EPG5: variants seen among roughly 807,000 people sequenced by gnomAD.
EPG5 encodes ectopic P granules protein 5 homolog.
EPG5 carries 159 observed loss-of-function variants against 302.7 expected under a neutral mutation model. The observed-to-expected ratio is 0.53, with a 90% CI of 0.46 to 0.60. The LOEUF (loss-of-function observed/expected upper bound fraction) is 0.60. Ranked by LOEUF, EPG5 falls within the 20% of genes least tolerant of loss-of-function variation. The pLI is 0.00. For missense variants in EPG5, 2,896 were observed against 3,092.4 expected, an observed-to-expected ratio of 0.94 and a Z score of 1.51; for synonymous variants, 1,158 against 1,136.8, an observed-to-expected ratio of 1.02 and a Z score of -0.37.
Position 45,928,862 on chromosome 18 carries a change from C to T in EPG5, c.2553+7G>A, listed in dbSNP as rs1022368158. 3 of 1,606,884 alleles carry T rather than the reference C, an allele frequency of 1.9e-6. No homozygotes were observed. Among genetic ancestry groups the T allele is most frequent in the African/African-American group, 1.3e-5 (1 of 74,576 alleles). ...AAAACAAAAACAAACAAAATCAGTG[C>T]TCTTACCATTCCAACCTGGTCAATG... On this transcript the variant is annotated splice_region_variant and intron_variant, in intron 13 of 43. Transcript: ENST00000282041.
Position 45,913,869 on chromosome 18 carries a change from C to A in EPG5, c.3694-41G>T, listed in dbSNP as rs566483792. The A allele has an allele frequency of 3.1e-6, 5 of 1,603,604 alleles. No homozygotes were observed. In the South Asian group the frequency reaches 4.5e-5, roughly 14 times the overall value. On this transcript the variant is annotated intron_variant, in intron 20 of 43. Transcript: ENST00000282041. Reference sequence around the variant, plus strand: ...ATAAAGGGGAGGGGAAGGAGGAGCTCGCCCCACTGACGAAATACATCCTGA... The same window carrying A: ...ATAAAGGGGAGGGGAAGGAGGAGCTAGCCCCACTGACGAAATACATCCTGA...
At chr18:45,911,210 C>G (rs1195343337) in intron 22 of EPG5, among the ~76,000 whole-genome samples, 3 of 151,718 alleles carry the variant, frequency 2.0e-5, no homozygotes, top group Non-Finnish European at 4.4e-5. Flanking sequence ...CAACCTCCAC[C>G]TCCTGGCGAC....
At chr18:45,810,436 C>T in the EPG5 span, among the ~76,000 whole-genome samples, 3 of 152,150 alleles carry the variant, frequency 2.0e-5, no homozygotes, top group Non-Finnish European at 4.4e-5. Context: ...GACCAATATC[C>T]CCAATGAACA....
intron 34 of EPG5, among the ~76,000 whole-genome samples, chr18:45,877,543 G>C (rs893209680): frequency 2.0e-5 from 3 of 152,170 alleles, no homozygotes; most frequent in Admixed American, 2.0e-4. Flanking sequence ...TATGTACACA[G>C]TCACTATAAA....
intron 14 of EPG5, among the ~76,000 whole-genome samples, chr18:45,924,840 T>C (rs1036575268): frequency 1.3e-5 from 2 of 151,800 alleles, no homozygotes; most frequent in African/African-American, 4.8e-5. Flanking sequence ...AGCCCAGGAG[T>C]TCAAGGCCAG....
chr18:45,946,589 T>A, intron 7 of EPG5, 74 bp downstream of exon 7: 5 of 1,104,870 alleles, frequency 4.5e-6, no homozygotes, highest in Non-Finnish European at 6.8e-6. Flanking sequence ...ATGTGAAAAG[T>A]GCTTAGAACA....
chr18:45,836,162 C>T, the EPG5 span, among the ~76,000 whole-genome samples: 1 of 152,248 alleles, frequency 6.6e-6, no homozygotes, highest in East Asian at 1.9e-4. Context: ...TAAATTACCT[C>T]AAAAAGCAAA....
At chr18:45,859,829 T>C (rs914536267) in intron 40 of EPG5, among the ~76,000 whole-genome samples, 1 of 152,210 alleles carries the variant, frequency 6.6e-6, no homozygotes, top group African/African-American at 2.4e-5. Context: ...TCATAACAGG[T>C]TGGTCTGACC....
intron 27 of EPG5, among the ~76,000 whole-genome samples, chr18:45,892,608 G>C (rs2049377584): frequency 6.6e-6 from 1 of 152,068 alleles, no homozygotes; most frequent in Admixed American, 6.5e-5. Flanking sequence ...ACATCAAAAG[G>C]AACCCAATTA....
chr18:45,839,123 G>C, the EPG5 span: 1 of 1,361,372 alleles, frequency 7.3e-7, no homozygotes, highest in South Asian at 1.8e-5. Flanking sequence ...ACGGGTGGCC[G>C]CGAGGGGCCG....
intron 12 of EPG5, among the ~76,000 whole-genome samples, chr18:45,930,395 A>G (rs1035769118): frequency 1.3e-5 from 2 of 152,200 alleles, no homozygotes; most frequent in Non-Finnish European, 2.9e-5. Flanking sequence ...AGGGAAACAT[A>G]CATCATAAAA....
At chr18:45,832,606 G>A in the EPG5 span, among the ~76,000 whole-genome samples, 1 of 152,198 alleles carries the variant, frequency 6.6e-6, no homozygotes, top group Non-Finnish European at 1.5e-5. Flanking sequence ...GCCCACCATT[G>A]AGGGAGGGTA....
Position 45,916,200 on chromosome 18 carries a change from T to C in EPG5, c.3391A>G (p.Ile1131Val), listed in dbSNP as rs3744997. 5.9e-4 allele frequency: 953 copies of C among 1,608,738 alleles called. 9 individuals carry two copies. In the East Asian group the frequency reaches 0.017, roughly 29 times the overall value. Residue 1131 changes from isoleucine to valine, a missense_variant, in exon 19 of 44, where the codon ATA becomes GTA. By Grantham distance (29) the Ile-to-Val change is conservative (BLOSUM62 3). Coordinates refer to ENST00000282041, the MANE Select transcript of EPG5 (RefSeq NM_020964.3). ...KLLNSMIQAH[I>V]SVSTQPNEVG... Reference sequence around the variant, plus strand: ...TCATTGGGCTGAGTGCTTACAGATATGTGTGCCTGTGGAGAAAAGGCTCAT... The same window carrying C: ...TCATTGGGCTGAGTGCTTACAGATACGTGTGCCTGTGGAGAAAAGGCTCAT...
intron 21 of EPG5, among the ~76,000 whole-genome samples, chr18:45,912,809 C>T (rs1310645590): frequency 1.3e-5 from 2 of 152,062 alleles, no homozygotes; most frequent in Non-Finnish European, 2.9e-5. Context: ...AAAGTAAAGC[C>T]GGGGACAGTG....
chr18:45,875,449 A>G (rs2048947975), intron 35 of EPG5, among the ~76,000 whole-genome samples: 1 of 152,240 alleles, frequency 6.6e-6, no homozygotes, highest in Non-Finnish European at 1.5e-5. Flanking sequence ...ACCAAAAAGG[A>G]TCAGGGTACA....
At chr18:45,812,246 C>T in the EPG5 span, among the ~76,000 whole-genome samples, 1 of 152,074 alleles carries the variant, frequency 6.6e-6, no homozygotes, top group Non-Finnish European at 1.5e-5. Context: ...AACTACAAAC[C>T]ACTGCTCAAC....
chr18:45,914,427 A>G (rs1313775470), intron 20 of EPG5, among the ~76,000 whole-genome samples: 1 of 152,262 alleles, frequency 6.6e-6, no homozygotes, highest in East Asian at 1.9e-4. Context: ...GAGGTTGAAG[A>G]ACATTACTAC....
the EPG5 span, among the ~76,000 whole-genome samples, chr18:45,811,218 T>C: frequency 6.6e-6 from 1 of 152,120 alleles, no homozygotes; most frequent in Non-Finnish European, 1.5e-5. Flanking sequence ...AAGGAGGAAG[T>C]CAAACTGTCA....
intron 42 of EPG5, among the ~76,000 whole-genome samples, chr18:45,856,940 A>C (rs967141014): frequency 6.6e-6 from 1 of 151,974 alleles, no homozygotes; most frequent in African/African-American, 2.4e-5. Context: ...TTTTTTTGAG[A>C]CAGAGTCTTG....
Sources: allele counts gnomAD v4.1 joint callset (sites outside exome capture counted in the v4.1 genomes callset), GRCh38; gene constraint gnomAD v4.1.1; transcripts MANE v1.5; gene names NCBI Gene and HGNC (gene_info 2026-07-23, HGNC 2026-07-21).